NLGN1: variants seen among roughly 807,000 people sequenced by gnomAD.
NLGN1 encodes the protein neuroligin 1, also known as neuroligin-1.
In NLGN1, 12 loss-of-function variants were observed where a neutral mutation model predicts 65.5. The ratio of observed to expected loss-of-function variants is 0.18; its 90% CI spans 0.12 to 0.30. NLGN1 has a LOEUF of 0.30. Among genes scored for constraint, NLGN1 ranks in the 10% least tolerant of loss-of-function variants. The pLI is 1.00. For synonymous variants in NLGN1, 350 were observed against 359.5 expected (o/e 0.97, Z 0.30); for missense variants, 750 against 1,007.1 (o/e 0.74, Z 3.46).
At chr3:174,162,762 A>G (rs1180235404) in intron 4 of NLGN1, among the ~76,000 whole-genome samples, 1 of 150,782 alleles carries the variant, frequency 6.6e-6, no homozygotes, top group African/African-American at 2.4e-5. Flanking sequence ...TGAGCTTCCC[A>G]TGGATTCCTA....
intron 4 of NLGN1, among the ~76,000 whole-genome samples, chr3:173,822,679 C>T (rs1720552005): frequency 6.6e-6 from 1 of 151,990 alleles, no homozygotes; most frequent in South Asian, 2.1e-4. Context: ...TTTCACTTTT[C>T]TGATCCGTTA....
chr3:173,570,821 G>A (rs1181524737), intron 2 of NLGN1, among the ~76,000 whole-genome samples: 2 of 152,004 alleles, frequency 1.3e-5, no homozygotes, highest in African/African-American at 4.8e-5. Context: ...CTTGTAACTC[G>A]GCCTCCTGAG....
chr3:173,670,703 G>A (rs1400163936), intron 3 of NLGN1, among the ~76,000 whole-genome samples: 1 of 152,096 alleles, frequency 6.6e-6, no homozygotes, highest in Non-Finnish European at 1.5e-5. Flanking sequence ...GTACTGGGTT[G>A]GAAAATTAGT....
intron 4 of NLGN1, among the ~76,000 whole-genome samples, chr3:174,265,738 C>G (rs1013067093): frequency 4.1e-5 from 6 of 147,062 alleles, no homozygotes; most frequent in Non-Finnish European, 7.4e-5. Flanking sequence ...ACAAAATACT[C>G]TTACTCTACC....
intron 5 of NLGN1, among the ~76,000 whole-genome samples, chr3:174,276,098 A>AAAT (rs1313668833): frequency 2.6e-5 from 4 of 151,924 alleles, no homozygotes; most frequent in Admixed American, 1.3e-4. Flanking sequence ...TTAAAAAGAA[A>AAAT]AATACATTTG....
chr3:174,220,663 A>T (rs116243447), intron 4 of NLGN1, among the ~76,000 whole-genome samples: 1,977 of 152,258 alleles, frequency 0.013, 41 homozygotes, highest in African/African-American at 0.044. Flanking sequence ...TACCTCAGAC[A>T]TTATGCAGAA....
chr3:173,416,110 A>G (rs1713741125), intron 1 of NLGN1, among the ~76,000 whole-genome samples: 1 of 152,118 alleles, frequency 6.6e-6, no homozygotes, highest in Admixed American at 6.5e-5. Flanking sequence ...TTGTTTCTAT[A>G]TAACACTTAC....
chr3:174,131,231 A>G (rs1210599260), intron 4 of NLGN1, among the ~76,000 whole-genome samples: 1 of 152,170 alleles, frequency 6.6e-6, no homozygotes, highest in African/African-American at 2.4e-5. Flanking sequence ...TAGCAATAAT[A>G]AGTAACATAC....
intron 4 of NLGN1, among the ~76,000 whole-genome samples, chr3:174,257,077 C>G (rs1408813772): frequency 2.0e-5 from 3 of 151,890 alleles, no homozygotes; most frequent in African/African-American, 7.2e-5. Context: ...AAAACTACCT[C>G]ATTAAAAAGT....
At chr3:173,644,514 A>C (rs1028917423) in intron 3 of NLGN1, 3 of 165,376 alleles carry the variant, frequency 1.8e-5, no homozygotes, top group Admixed American at 6.5e-5. Flanking sequence ...ATCCTGCACC[A>C]GTTCAACACC....
intron 4 of NLGN1, among the ~76,000 whole-genome samples, chr3:173,869,154 G>T (rs1730727857): frequency 6.6e-6 from 1 of 152,112 alleles, no homozygotes. Context: ...ATCATAATTT[G>T]TAAGTACAGA....
chr3:173,769,911 ACAGGACAGTAGAAAAATAT>A (rs1252037886), intron 3 of NLGN1, among the ~76,000 whole-genome samples: 15 of 152,204 alleles, frequency 9.9e-5, no homozygotes, highest in Admixed American at 5.9e-4. Flanking sequence ...CATTTCCCCT[ACAGGACAGTAGAAAAATAT>A]CAGGTGTCCC....
chr3:173,559,942 C>CTTT (rs35745476), intron 2 of NLGN1, among the ~76,000 whole-genome samples: 2 of 108,362 alleles, frequency 1.8e-5, no homozygotes, highest in African/African-American at 3.7e-5. Flanking sequence ...TCTAGATACA[C>CTTT]TTTTTTTTTT....
At chr3:173,937,678 A>C (rs895012955) in intron 4 of NLGN1, among the ~76,000 whole-genome samples, 2 of 152,130 alleles carry the variant, frequency 1.3e-5, no homozygotes, top group South Asian at 4.1e-4. Context: ...AATAGCTACT[A>C]ATCACTTGAC....
chr3:174,116,454 C>T (rs1446185691), intron 4 of NLGN1, among the ~76,000 whole-genome samples: 1 of 147,488 alleles, frequency 6.8e-6, no homozygotes, highest in East Asian at 2.1e-4. Flanking sequence ...TCTCATATCT[C>T]AGCCTCCTGA....
chr3:173,752,871 T>C (rs1292178479), intron 3 of NLGN1, among the ~76,000 whole-genome samples: 1 of 152,058 alleles, frequency 6.6e-6, no homozygotes, highest in Non-Finnish European at 1.5e-5. Context: ...TTACTTTGCT[T>C]CCCAATTCAG....
At chr3:173,847,005 C>CT (rs879930918) in intron 4 of NLGN1, among the ~76,000 whole-genome samples, 9 of 151,864 alleles carry the variant, frequency 5.9e-5, no homozygotes, top group South Asian at 2.1e-4. Context: ...TAGTGAATAC[C>CT]TTTTTTTTAA....
intron 4 of NLGN1, among the ~76,000 whole-genome samples, chr3:174,138,813 T>G (rs1721734976): frequency 6.6e-6 from 1 of 152,164 alleles, no homozygotes; most frequent in African/African-American, 2.4e-5. Context: ...GTATATTGCT[T>G]TACTTATCAA....
At chr3:173,822,323 T>A (rs1720481023) in intron 4 of NLGN1, among the ~76,000 whole-genome samples, 1 of 152,126 alleles carries the variant, frequency 6.6e-6, no homozygotes, top group Non-Finnish European at 1.5e-5. Context: ...GCTCGGGGAT[T>A]CCAATGGCCA....
Sources: allele counts gnomAD v4.1 joint callset (sites outside exome capture counted in the v4.1 genomes callset), GRCh38; gene constraint gnomAD v4.1.1; transcripts MANE v1.5; gene names NCBI Gene and HGNC (gene_info 2026-07-23, HGNC 2026-07-21).